Variants in ALDH1A3 observed in about 807,000 individuals in gnomAD.
The protein encoded by ALDH1A3 is retinaldehyde dehydrogenase 3.
Under a neutral mutation model 57.5 loss-of-function variants are expected in ALDH1A3, and 28 were observed. That is an observed-to-expected ratio of 0.49 (90% CI 0.36 to 0.67). The LOEUF (loss-of-function observed/expected upper bound fraction) is 0.67. ALDH1A3 is among the 30% of genes least tolerant of loss of function. The pLI, the probability that ALDH1A3 is intolerant of heterozygous loss-of-function variation, is 0.00. For missense variants in ALDH1A3, 507 were observed against 669.4 expected (o/e 0.76, Z 2.68); for synonymous variants, 281 against 264.8 (o/e 1.06, Z -0.59).
chr15:100,894,185 T>C lies in ALDH1A3; in HGVS notation c.666+103T>C. 7.0e-7 allele frequency: 1 copy of C among 1,428,124 alleles called. No individual in the cohort carries two copies. Among genetic ancestry groups the C allele is most frequent in the Non-Finnish European group, 9.5e-7 (1 of 1,047,550 alleles). 88.5% of individuals were successfully genotyped at this position (1,428,124 alleles called of 1,614,324 possible). On this transcript the variant is annotated intron_variant, in intron 6 of 12. Coordinates refer to ENST00000329841, the MANE Select transcript of ALDH1A3 (RefSeq NM_000693.4). This position sits in a 1 kb window ranked among gnomAD's most constrained non-coding sequence, Gnocchi z 4.5. ...TGGGACAGTGGCAGACTGCTGGCAA[T>C]CGAGTGGGAAGGGAATGACTTCCAG...
intron 1 of ALDH1A3, chr15:100,880,502 G>C (rs1349484060): frequency 6.3e-6 from 2 of 319,556 alleles, no homozygotes; most frequent in Non-Finnish European, 1.1e-5. Flanking sequence ...GACTGGGGAA[G>C]CGGGTCCTCC....
intron 2 of ALDH1A3, among the ~76,000 whole-genome samples, chr15:100,885,725 G>A (rs906793139): frequency 2.7e-5 from 4 of 148,294 alleles, no homozygotes; most frequent in African/African-American, 7.5e-5. Context: ...AGCATTTCCC[G>A]CTGGTGTGTT....
chr15:100,899,677 C>A (rs1476807890), intron 8 of ALDH1A3, among the ~76,000 whole-genome samples: 1 of 152,166 alleles, frequency 6.6e-6, no homozygotes, highest in Non-Finnish European at 1.5e-5. Flanking sequence ...CCTGGCCCAG[C>A]CAGCTGCAGG....
chr15:100,891,857 G>A (rs1412530898), intron 3 of ALDH1A3, among the ~76,000 whole-genome samples: 3 of 152,218 alleles, frequency 2.0e-5, no homozygotes, highest in Middle Eastern at 3.2e-3. Context: ...CTGCACACTC[G>A]CCCTGGGTAA....
At chr15:100,911,236 G>A (rs771003375) in intron 12 of ALDH1A3, among the ~76,000 whole-genome samples, 48 of 152,282 alleles carry the variant, frequency 3.2e-4, no homozygotes, top group Non-Finnish European at 5.1e-4. Context: ...CTGGAGCATC[G>A]TGCGGGGGAT....
chr15:100,896,228 T>C (rs1490967958), intron 7 of ALDH1A3, among the ~76,000 whole-genome samples, 182 bp downstream of exon 7: 1 of 152,124 alleles, frequency 6.6e-6, no homozygotes, highest in Non-Finnish European at 1.5e-5. Context: ...AAATATCTAA[T>C]AGAACTCAGA....
intron 8 of ALDH1A3, among the ~76,000 whole-genome samples, chr15:100,899,836 G>A (rs776692640): frequency 6.6e-5 from 10 of 152,160 alleles, no homozygotes; most frequent in Admixed American, 5.9e-4. Flanking sequence ...GAATTGGAAC[G>A]GATCACCTTC....
At chr15:100,899,065 A>G (rs2041740841) in intron 8 of ALDH1A3, among the ~76,000 whole-genome samples, 2 of 152,296 alleles carry the variant, frequency 1.3e-5, no homozygotes, top group South Asian at 4.1e-4. Flanking sequence ...CCCTGGCACA[A>G]TTTCTTACTA....
At position 100,887,707 on chromosome 15, in the gene ALDH1A3, T is replaced by C; in HGVS notation, c.340T>C (p.Leu114=). Residue 114 remains leucine (L), a synonymous_variant, in exon 3 of 13, where the codon TTG becomes CTG. Transcript: ENST00000329841. The surrounding 1 kb of genome is among the most constrained non-coding windows in gnomAD (Gnocchi z 4.6). ...CCTGGTGGAGAGGGACCGCGCCACC[T>C]TGGCCGTGAGTACATGCACTTGGGG... ...ADLVERDRAT[L]AALETMDTGK... The C allele has an allele frequency of 1.2e-6, 2 of 1,600,476 alleles. No individual in the cohort carries two copies. The highest frequency in any genetic ancestry group is 1.3e-5 in the African/African-American group (1 of 74,748).
intron 9 of ALDH1A3, among the ~76,000 whole-genome samples, chr15:100,903,882 A>T (rs911708497): frequency 6.6e-6 from 1 of 152,224 alleles, no homozygotes; most frequent in South Asian, 2.1e-4. Context: ...ACCTCTTTAC[A>T]TACATAGTAG....
intron 1 of ALDH1A3, among the ~76,000 whole-genome samples, chr15:100,881,761 A>G (rs1209183190): frequency 1.3e-5 from 2 of 152,186 alleles, no homozygotes; most frequent in East Asian, 1.9e-4. Flanking sequence ...GTGGTCTCCC[A>G]GGCGATAAAG....
intron 1 of ALDH1A3, chr15:100,880,440 C>G (rs181395724): frequency 5.5e-4 from 199 of 361,026 alleles, no homozygotes; most frequent in African/African-American, 3.9e-3. Context: ...TCGGAGGGTC[C>G]GAGAGCGCCA....
At chr15:100,911,401 A>G (rs966897203) in intron 12 of ALDH1A3, among the ~76,000 whole-genome samples, 5 of 152,226 alleles carry the variant, frequency 3.3e-5, no homozygotes, top group African/African-American at 9.6e-5. Flanking sequence ...AAAATGATAT[A>G]GTAACCAAAA....
At position 100,895,960 on chromosome 15, in the gene ALDH1A3, A is replaced by G. The variant is rs1184323924; in HGVS notation, c.694A>G (p.Ile232Val). 6.2e-7 allele frequency: 1 copy of G among 1,613,696 alleles called. No homozygotes were observed. Among genetic ancestry groups the G allele is most frequent in the South Asian group, 1.1e-5 (1 of 90,854 alleles). Residue 232 changes from isoleucine (I) to valine (V), a missense_variant, in exon 7 of 13, where the codon ATT (isoleucine) becomes GTT (valine). Physicochemically the swap from Ile to Val is conservative, Grantham distance 29. Transcript: ENST00000329841. Reference protein sequence around the residue: ...EAGFPPGVVNIVPGFGPTVGA... With the variant: ...EAGFPPGVVNVVPGFGPTVGA... ...CGGGTTCCCTCCAGGAGTGGTGAAC[A>G]TTGTGCCAGGATTCGGGCCCACAGT...
At chr15:100,907,487 G>T (rs1359881770) in intron 11 of ALDH1A3, among the ~76,000 whole-genome samples, 1 of 152,206 alleles carries the variant, frequency 6.6e-6, no homozygotes, top group African/African-American at 2.4e-5. Flanking sequence ...GGCACAGAGA[G>T]ATGAAGTGAC....
chr15:100,895,060 C>A (rs1274996652), intron 6 of ALDH1A3: 1 of 152,142 alleles, frequency 6.6e-6, no homozygotes, highest in Non-Finnish European at 1.5e-5. Flanking sequence ...AGGTGGCAGT[C>A]CCTGCCTTCC....
chr15:100,907,382 T>G (rs2041832704), intron 11 of ALDH1A3, 104 bp downstream of exon 11: 2 of 1,376,794 alleles, frequency 1.5e-6, no homozygotes, highest in Non-Finnish European at 2.0e-6. Context: ...TTGTATATTA[T>G]ATACCAAGCC....
chr15:100,914,531 CACTT>C (rs1195109534), intron 12 of ALDH1A3, 166 bp from the exon 13 acceptor site: 3 of 579,124 alleles, frequency 5.2e-6, no homozygotes, highest in South Asian at 4.7e-5. Flanking sequence ...CAGCTACTGA[CACTT>C]ACTAGTGCTG....
Position 100,880,116 on chromosome 15 carries a change from C to T in ALDH1A3, c.99+110C>T, listed in dbSNP as rs866300477. 3.6e-4 allele frequency: 258 copies of T among 716,510 alleles called. 2 individuals are homozygous for T. Among genetic ancestry groups the T allele is most frequent in the South Asian group, 2.5e-3 (39 of 15,426 alleles). 44.4% of individuals were successfully genotyped at this position (716,510 alleles called of 1,614,324 possible). A position where few individuals can be genotyped will look rare whatever the true frequency, so the allele number is the denominator to read the frequency against. On this transcript the variant is annotated intron_variant, in intron 1 of 12. Transcript: ENST00000329841. ...CGGGCCGGGGGTCCGCCGGGCGCCG[C>T]CGAGACCCGAGCCTCCCTGCCCGGG...
Sources: allele counts gnomAD v4.1 joint callset (sites outside exome capture counted in the v4.1 genomes callset), GRCh38; gene constraint gnomAD v4.1.1; non-coding constraint Gnocchi (gnomAD v3.1); transcripts MANE v1.5; gene names NCBI Gene and HGNC (gene_info 2026-07-23, HGNC 2026-07-21).